The following USP54 variants were observed in gnomAD, a reference collection of about 807,000 sequenced individuals.
The protein encoded by USP54 is ubiquitin specific peptidase 54, also known as ubiquitin carboxyl-terminal hydrolase 54.
USP54 carries 87 observed loss-of-function variants against 170.5 expected under a neutral mutation model. The observed-to-expected ratio is 0.51, with a 90% CI of 0.43 to 0.61. The LOEUF is 0.61. Ranked by LOEUF, USP54 falls within the 20% of genes least tolerant of loss-of-function variation. The pLI is 0.00. For missense variants in USP54, 1,786 were observed against 2,047.8 expected (o/e 0.87, Z 2.47); for synonymous variants, 655 against 742.8 (o/e 0.88, Z 1.92).
intron 1 of USP54, among the ~76,000 whole-genome samples, chr10:73,621,438 A>G (rs1038396818): frequency 6.6e-6 from 1 of 151,066 alleles, no homozygotes; most frequent in Non-Finnish European, 1.5e-5. Flanking sequence ...TGTCTCTACT[A>G]AAAATACAAA....
intron 20 of USP54, among the ~76,000 whole-genome samples, chr10:73,509,529 C>T (rs1021420082): frequency 2.0e-5 from 3 of 150,430 alleles, no homozygotes; most frequent in Non-Finnish European, 2.9e-5. Flanking sequence ...GCAGGAGAAT[C>T]GCATTAACCT....
At chr10:73,512,361 A>ACTC (rs2060349621) in intron 20 of USP54, among the ~76,000 whole-genome samples, 1 of 150,596 alleles carries the variant, frequency 6.6e-6, no homozygotes. Flanking sequence ...CTGGTCTTGA[A>ACTC]CTCCTGGGCT....
chr10:73,521,126 C>A, intron 17 of USP54, 99 bp from the exon 18 acceptor site: 2 of 1,495,674 alleles, frequency 1.3e-6, no homozygotes. Flanking sequence ...TGCTGCTGAG[C>A]CACTGGTCTA....
chr10:73,575,053 C>T (rs1437973354), intron 3 of USP54, among the ~76,000 whole-genome samples: 4 of 151,984 alleles, frequency 2.6e-5, no homozygotes, highest in South Asian at 2.1e-4. Flanking sequence ...GGTGAAACCC[C>T]GTCTCTACTA....
At position 73,617,905 on chromosome 10, in the gene USP54, GAAATAA is replaced by G. The variant is rs756547150; in HGVS notation, c.-18+7656_-18+7661del. On this transcript the variant is annotated intron_variant, in intron 1 of 22. Transcript: ENST00000339859. The stretch of plus-strand genomic sequence containing the variant: ...CTAGGCAACAAAGACCCTGTCTTAA[GAAATAA>G]AAATAAAAATAAAAATAAAAATAAG... 3.9e-4 allele frequency among the ~76,000 whole-genome samples: 58 copies of G among 149,124 alleles called. 4 individuals are homozygous for G. The highest frequency in any genetic ancestry group is 3.4e-3 in the Middle Eastern group (1 of 294).
At chr10:73,502,595 G>A (rs767875717) in intron 22 of USP54, among the ~76,000 whole-genome samples, 17 of 151,868 alleles carry the variant, frequency 1.1e-4, no homozygotes, top group Non-Finnish European at 2.1e-4. Flanking sequence ...TTACAGGCGT[G>A]AGCCACCGCG....
intron 22 of USP54, among the ~76,000 whole-genome samples, chr10:73,501,664 C>T (rs2058140661): frequency 2.6e-5 from 4 of 152,206 alleles, no homozygotes; most frequent in Admixed American, 2.6e-4. Flanking sequence ...ATCCACTCCT[C>T]CTTACTGTGG....
rs2057403909 is a variant in USP54 at position 73,498,553 on chromosome 10, T to C, written c.*76A>G. ...CCTCCCAAAGTGCTGGGATTACAGG[T>C]GTGAGCCACCGCGCCCGGCCCACAG... On this transcript the variant is annotated 3_prime_UTR_variant, in exon 24 of 24. Coordinates refer to ENST00000687698, the MANE Select transcript of USP54 (RefSeq NM_001391956.1). 18 of 1,431,202 alleles carry C rather than the reference T, an allele frequency of 1.3e-5. No homozygotes were observed. Among genetic ancestry groups the C allele is most frequent in the South Asian group, 1.5e-5 (1 of 65,440 alleles). The allele number at this position is 1,431,202 out of a possible 1,614,324, so 88.7% of individuals were successfully genotyped here. A position where few individuals can be genotyped will look rare whatever the true frequency, so the allele number is the denominator to read the frequency against.
chr10:73,532,508 C>T (rs1710492799), intron 12 of USP54, among the ~76,000 whole-genome samples: 1 of 152,160 alleles, frequency 6.6e-6, no homozygotes, highest in South Asian at 2.1e-4. Flanking sequence ...AACCAATGGG[C>T]ATGTTCAAAC....
At chr10:73,607,456 A>T (rs1460067266) in intron 1 of USP54, among the ~76,000 whole-genome samples, 1 of 152,178 alleles carries the variant, frequency 6.6e-6, no homozygotes, top group Non-Finnish European at 1.5e-5. Context: ...CAAAGTTTGA[A>T]GTCTGCATTA....
intron 23 of USP54, chr10:73,499,763 T>G (rs1278450472): frequency 1.3e-5 from 2 of 152,810 alleles, no homozygotes; most frequent in Non-Finnish European, 2.9e-5. Context: ...TCAGTTAAGC[T>G]GCCTTTGTTT....
chr10:73,500,193 A>G (rs967452250), intron 23 of USP54, among the ~76,000 whole-genome samples: 13 of 152,226 alleles, frequency 8.5e-5, no homozygotes, highest in African/African-American at 1.7e-4. Context: ...GTCTGTACAC[A>G]TGGTGTGGGT....
At position 73,542,890 on chromosome 10, in the gene USP54, G is replaced by T. The variant is rs766871242; in HGVS notation, c.490-5C>A. On this transcript the variant is annotated splice_polypyrimidine_tract_variant and splice_region_variant and intron_variant, in intron 6 of 23. Transcript: ENST00000687698. Reference sequence around the variant, plus strand: ...ACCACAGCTAGTACATACACACTGGGCAAAAGAGAAAAAGGCAAAACCAAG... The same window carrying T: ...ACCACAGCTAGTACATACACACTGGTCAAAAGAGAAAAAGGCAAAACCAAG... 3 of 1,614,052 alleles carry T rather than the reference G, an allele frequency of 1.9e-6. No individual in the cohort carries two copies. The South Asian group carries it at 3.3e-5, about 18-fold the overall frequency.
intron 1 of USP54, among the ~76,000 whole-genome samples, chr10:73,578,942 CTTT>C (rs34362461): frequency 0.038 from 5,031 of 133,888 alleles, 129 homozygotes; most frequent in South Asian, 0.12. Context: ...GCAAAGATTC[CTTT>C]TTTTTTTTTT....
chr10:73,556,923 T>C (rs1366478064), intron 4 of USP54, among the ~76,000 whole-genome samples: 1 of 152,344 alleles, frequency 6.6e-6, no homozygotes, highest in African/African-American at 2.4e-5. Context: ...TTATGCCTTA[T>C]ACTAGCATTC....
chr10:73,625,887 C>G (rs183209489), upstream of USP54: 2 of 152,004 alleles, frequency 1.3e-5, no homozygotes, highest in Admixed American at 6.6e-5. Flanking sequence ...GGCGCTACCC[C>G]CTGCACCCCG....
intron 19 of USP54, 138 bp from the exon 20 acceptor site, chr10:73,517,885 A>G: frequency 8.8e-7 from 1 of 1,141,528 alleles, no homozygotes; most frequent in Non-Finnish European, 1.2e-6. Context: ...AAGCACAAGT[A>G]GAGTCAGTAG....
rs369052595 is a variant in USP54 at position 73,516,921 on chromosome 10, T to G, written c.3505A>C (p.Lys1169Gln). 2 of 1,614,218 alleles carry G rather than the reference T, an allele frequency of 1.2e-6. No homozygotes were observed. The highest frequency in any genetic ancestry group is 1.7e-6 in the Non-Finnish European group (2 of 1,180,038). Reference sequence around the variant, plus strand: ...TCTTGACCCTGTGAGAAAGGAGGCTTAGAATCAGAAGGGGAAGAGTTCTTC... The same window carrying G: ...TCTTGACCCTGTGAGAAAGGAGGCTGAGAATCAGAAGGGGAAGAGTTCTTC... The part of the protein sequence containing the change: ...LRKNSSPSDS[K>Q]PPFSQGQEKG... Residue 1169 changes from lysine (K) to glutamine (Q), a missense_variant, in exon 20 of 24, where the codon AAG becomes CAG. By Grantham distance (53) the Lys-to-Gln change is moderately conservative. Around this residue, in one of 3 missense-constraint regions of USP54, gnomAD observed 1,418 missense variants for 1,569.0 expected, o/e 0.90. Coordinates refer to ENST00000687698, the MANE Select transcript of USP54 (RefSeq NM_001391956.1).
In USP54 at chr10:73,530,197, C is replaced by T. The variant is rs776667230; in HGVS notation, c.1774G>A (p.Asp592Asn). 1.9e-6 allele frequency: 3 copies of T among 1,613,874 alleles called. No homozygotes were observed. Among genetic ancestry groups the T allele is most frequent in the Admixed American group, 3.3e-5 (2 of 59,996 alleles). ...SLNIDSIFSK[D>N]KRKHCGYTQL... is the part of the protein sequence containing the mutation. ...GTATAGCCACAGTGCTTCCTTTTGT[C>T]CTTACTAAAGATACTGTCAATATTC... is the stretch of plus-strand genomic sequence containing the variant. The change falls in exon 14 of 24, where the codon GAC (aspartate) becomes AAC (asparagine). Residue 592 changes from aspartate to asparagine, a missense_variant. Coordinates refer to ENST00000687698, the MANE Select transcript of USP54 (RefSeq NM_001391956.1).
Sources: allele counts gnomAD v4.1 joint callset (sites outside exome capture counted in the v4.1 genomes callset), GRCh38; gene constraint gnomAD v4.1.1; regional missense constraint gnomAD v4.1.1; transcripts MANE v1.5; gene names NCBI Gene and HGNC (gene_info 2026-07-23, HGNC 2026-07-21).